The following PKIA variants were observed in gnomAD, a reference collection of about 807,000 sequenced individuals.
PKIA encodes the protein cAMP-dependent protein kinase inhibitor alpha.
PKIA carries 4 observed loss-of-function variants against 7.6 expected under a neutral mutation model. That is an observed-to-expected ratio of 0.52 (90% confidence interval 0.26 to 1.20). The LOEUF (loss-of-function observed/expected upper bound fraction) is 1.20, where lower values mean the gene tolerates loss of function less well. PKIA is among the 50% of genes most tolerant of loss of function. PKIA has a pLI of 0.13. For missense variants in PKIA, 73 were observed against 86.2 expected (o/e 0.85, Z 0.61); for synonymous variants, 21 against 30.7 (o/e 0.68, Z 1.04).
At chr8:78,531,030 C>A (rs569187360) in intron 1 of PKIA, among the ~76,000 whole-genome samples, 1 of 152,064 alleles carries the variant, frequency 6.6e-6, no homozygotes, top group African/African-American at 2.4e-5. Flanking sequence ...TCGCCGCCTA[C>A]AAGAAAGCAT....
intron 1 of PKIA, among the ~76,000 whole-genome samples, chr8:78,523,636 T>C (rs1246157873): frequency 6.6e-6 from 1 of 151,848 alleles, no homozygotes; most frequent in Non-Finnish European, 1.5e-5. Context: ...TCTCTGATAA[T>C]TGAAATGTAG....
intron 1 of PKIA, among the ~76,000 whole-genome samples, chr8:78,528,678 A>G (rs76277436): frequency 6.6e-6 from 1 of 150,592 alleles, no homozygotes; most frequent in African/African-American, 2.4e-5. Flanking sequence ...AAAAAAAAAA[A>G]TTACAAGTCC....
chr8:78,601,725 T>C lies in PKIA; in HGVS notation c.152-17T>C. On this transcript the variant is annotated splice_polypyrimidine_tract_variant and intron_variant, in intron 3 of 3. Transcript: ENST00000396418. Reference sequence around the variant, plus strand: ...TTTTTATTTTGCCTTTATTCTGTTTTCGTTTTTCTTTTGCAGAAGGTGAAG... The same window carrying C: ...TTTTTATTTTGCCTTTATTCTGTTTCCGTTTTTCTTTTGCAGAAGGTGAAG... The C allele has an allele frequency of 1.9e-6, 3 of 1,598,304 alleles. No individual in the cohort carries two copies. The highest frequency in any genetic ancestry group is 2.6e-6 in the Non-Finnish European group (3 of 1,167,244).
intron 1 of PKIA, among the ~76,000 whole-genome samples, chr8:78,519,965 TCCCATAG>T (rs1415321054): frequency 6.6e-6 from 1 of 152,152 alleles, no homozygotes; most frequent in Non-Finnish European, 1.5e-5. Flanking sequence ...TTGTTTAAAT[TCCCATAG>T]CACATTCTAT....
chr8:78,532,292 A>G (rs532059036), intron 1 of PKIA, among the ~76,000 whole-genome samples: 94 of 152,160 alleles, frequency 6.2e-4, no homozygotes, highest in African/African-American at 1.9e-3. Context: ...AAATTTTAGT[A>G]AGGTTGTAAA....
At chr8:78,525,724 C>T (rs1408002024) in intron 1 of PKIA, among the ~76,000 whole-genome samples, 3 of 151,818 alleles carry the variant, frequency 2.0e-5, no homozygotes, top group African/African-American at 7.3e-5. Flanking sequence ...TTTTCAAGTT[C>T]AATCAAAAAG....
intron 2 of PKIA, among the ~76,000 whole-genome samples, chr8:78,591,766 C>T (rs1247709226): frequency 1.3e-5 from 2 of 151,988 alleles, no homozygotes; most frequent in Non-Finnish European, 2.9e-5. Context: ...TCAATACTAT[C>T]ATTTGGTCAT....
chr8:78,564,111 G>A (rs371910544), intron 1 of PKIA, among the ~76,000 whole-genome samples: 2 of 151,780 alleles, frequency 1.3e-5, no homozygotes, highest in African/African-American at 4.8e-5. Context: ...CAACACATCA[G>A]CTGAGAGAAG....
chr8:78,585,352 T>A (rs1310636600), intron 2 of PKIA, among the ~76,000 whole-genome samples: 1 of 152,066 alleles, frequency 6.6e-6, no homozygotes, highest in Non-Finnish European at 1.5e-5. Flanking sequence ...TGACTTAAAC[T>A]AGCCTGAAAG....
At chr8:78,572,788 T>G (rs1213499350) in intron 1 of PKIA, 23 bp from the exon 2 acceptor site, 1 of 148,138 alleles carries the variant, frequency 6.8e-6, no homozygotes, top group Admixed American at 6.7e-5. Context: ...TAATTTCCCT[T>G]TCTCTTGCTA....
At chr8:78,520,307 T>C (rs953158960) in intron 1 of PKIA, among the ~76,000 whole-genome samples, 4 of 152,206 alleles carry the variant, frequency 2.6e-5, no homozygotes, top group African/African-American at 9.6e-5. Context: ...AAAGGTATTA[T>C]GAGCTTAAAT....
At chr8:78,522,400 G>A (rs1469942657) in intron 1 of PKIA, among the ~76,000 whole-genome samples, 3 of 151,836 alleles carry the variant, frequency 2.0e-5, no homozygotes, top group Non-Finnish European at 2.9e-5. Context: ...TTGGGTCAGA[G>A]ATTATGCCCA....
At chr8:78,599,281 T>C (rs2130287146) in intron 3 of PKIA, among the ~76,000 whole-genome samples, 1 of 152,202 alleles carries the variant, frequency 6.6e-6, no homozygotes, top group East Asian at 1.9e-4. Context: ...AGAAGACTTG[T>C]GTAAAAATAA....
intron 2 of PKIA, 64 bp from the exon 3 acceptor site, chr8:78,598,294 G>T (rs79173050): frequency 4.2e-6 from 4 of 942,506 alleles, no homozygotes; most frequent in Admixed American, 2.3e-5. Context: ...ATACTAAGTC[G>T]GTAGTTAAAT....
intron 2 of PKIA, among the ~76,000 whole-genome samples, chr8:78,594,281 C>A (rs1449378227): frequency 6.6e-6 from 1 of 151,434 alleles, no homozygotes; most frequent in Non-Finnish European, 1.5e-5. Context: ...CAGACTTGAA[C>A]CAGCACAGCA....
intron 1 of PKIA, among the ~76,000 whole-genome samples, chr8:78,526,272 A>T (rs1006547774): frequency 3.3e-5 from 5 of 152,062 alleles, no homozygotes; most frequent in Admixed American, 6.6e-5. Flanking sequence ...TTAGGCTCTG[A>T]TCAGCAGTGG....
At chr8:78,578,040 A>G (rs1807716670) in intron 2 of PKIA, among the ~76,000 whole-genome samples, 1 of 151,980 alleles carries the variant, frequency 6.6e-6, no homozygotes, top group African/African-American at 2.4e-5. Flanking sequence ...GTAAGATATC[A>G]CTGGTAAGCC....
chr8:78,554,013 A>G (rs187282011), intron 1 of PKIA, among the ~76,000 whole-genome samples: 1 of 152,042 alleles, frequency 6.6e-6, no homozygotes, highest in East Asian at 1.9e-4. Flanking sequence ...ATGACCCATG[A>G]CACTGCAGTG....
chr8:78,551,796 C>T lies in PKIA; in HGVS notation c.-156-21015C>T, dbSNP rs965899670. On this transcript the variant is annotated intron_variant, in intron 1 of 3. Transcript: ENST00000396418. ...AGATGGAAGTTAGTGGGGCTCTTCC[C>T]GGTATTTAAAACATTCTCTGTGATT... is the stretch of plus-strand genomic sequence containing the variant. 2.6e-5 allele frequency among the ~76,000 whole-genome samples: 4 copies of T among 151,970 alleles called. No homozygotes were observed. The South Asian group carries it at 8.3e-4, about 32-fold the overall frequency.
Sources: gnomAD v4.1 joint callset for allele counts (sites outside exome capture counted in the v4.1 genomes callset) on GRCh38, gnomAD v4.1.1 for gene constraint, MANE v1.5 for transcripts, NCBI Gene and HGNC (gene_info 2026-07-23, HGNC 2026-07-21) for gene names.